Variants in WDR72 observed in about 807,000 individuals in gnomAD.
WDR72 encodes the protein WD repeat-containing protein 72.
WDR72 carries 120 observed loss-of-function variants against 124.2 expected under a neutral mutation model. The observed-to-expected ratio is 0.97, with a 90% CI of 0.83 to 1.12. WDR72 has a LOEUF of 1.12. Among genes scored for constraint, WDR72 ranks in the 50% most tolerant of loss-of-function variants. The pLI, the probability that WDR72 is intolerant of heterozygous loss-of-function variation, is 0.00. For synonymous variants in WDR72, 452 were observed against 441.7 expected (o/e 1.02, Z -0.29); for missense variants, 1,387 against 1,278.8 (o/e 1.08, Z -1.29).
intron 14 of WDR72, among the ~76,000 whole-genome samples, chr15:53,619,423 A>G (rs1372307299): frequency 2.0e-5 from 3 of 152,050 alleles, no homozygotes; most frequent in Non-Finnish European, 4.4e-5. Flanking sequence ...CAAAATTTTC[A>G]GCTTCAAAAG....
At chr15:53,666,407 T>C (rs1020772293) in intron 13 of WDR72, among the ~76,000 whole-genome samples, 1 of 152,018 alleles carries the variant, frequency 6.6e-6, no homozygotes, top group Admixed American at 6.6e-5. Context: ...AAGTTCAACT[T>C]AAAGTTAAAA....
chr15:53,714,612 T>C (rs922134200), intron 5 of WDR72, 102 bp from the exon 6 acceptor site: 6 of 887,556 alleles, frequency 6.8e-6, no homozygotes, highest in South Asian at 1.5e-5. Context: ...GCTGTGTAGA[T>C]AGAAAATTTT....
At chr15:53,704,187 AC>A (rs1323982488) in intron 11 of WDR72, among the ~76,000 whole-genome samples, 1 of 152,220 alleles carries the variant, frequency 6.6e-6, no homozygotes, top group Non-Finnish European at 1.5e-5. Flanking sequence ...GTAGCTAAAA[AC>A]TAGAAAACCT....
chr15:53,732,879 T>A (rs2018241357), intron 2 of WDR72, 118 bp downstream of exon 2: 1 of 1,235,550 alleles, frequency 8.1e-7, no homozygotes, highest in Non-Finnish European at 1.2e-6. Flanking sequence ...AATTTATTAC[T>A]TTAATAAACA....
intron 14 of WDR72, among the ~76,000 whole-genome samples, chr15:53,655,230 C>CAAAA (rs531072099): frequency 1.2e-3 from 68 of 54,600 alleles, no homozygotes; most frequent in African/African-American, 3.4e-3. Flanking sequence ...GATGCCATCT[C>CAAAA]AAAAAAAAAA....
intron 6 of WDR72, 101 bp from the exon 7 acceptor site, chr15:53,712,992 A>G: frequency 5.2e-6 from 7 of 1,346,454 alleles, no homozygotes; most frequent in Non-Finnish European, 7.3e-6. Flanking sequence ...TCACACCATT[A>G]TAAAACGAAA....
At chr15:53,523,495 CAT>C (rs1210795705) in intron 18 of WDR72, among the ~76,000 whole-genome samples, 173 bp from the exon 19 acceptor site, 2 of 151,994 alleles carry the variant, frequency 1.3e-5, no homozygotes, top group East Asian at 1.9e-4. Flanking sequence ...TATTGGCAGA[CAT>C]GTAATTAGTT....
chr15:53,597,477 A>G (rs185311157), intron 17 of WDR72, among the ~76,000 whole-genome samples: 84 of 152,256 alleles, frequency 5.5e-4, no homozygotes, highest in Admixed American at 3.3e-3. Context: ...TTTTTTTGCA[A>G]TGCAAGAGAT....
At chr15:53,638,580 C>CTTTTTTTTT (rs3081298) in intron 14 of WDR72, among the ~76,000 whole-genome samples, 1 of 125,856 alleles carries the variant, frequency 7.9e-6, no homozygotes, top group African/African-American at 3.0e-5. Context: ...TAATCACATT[C>CTTTTTTTTT]TTTTTTTTTT....
chr15:53,566,862 A>G (rs1894317674), intron 18 of WDR72, among the ~76,000 whole-genome samples: 1 of 152,006 alleles, frequency 6.6e-6, no homozygotes, highest in Non-Finnish European at 1.5e-5. Context: ...AAACACAGGA[A>G]AGAATAGGTT....
chr15:53,646,128 A>AT (rs1258801446), intron 14 of WDR72, among the ~76,000 whole-genome samples: 2 of 152,092 alleles, frequency 1.3e-5, no homozygotes, highest in Non-Finnish European at 2.9e-5. Flanking sequence ...CTGTATGTCT[A>AT]TTTTTTAATG....
chr15:53,722,557 A>C (rs1276983091), intron 3 of WDR72, among the ~76,000 whole-genome samples: 1 of 152,188 alleles, frequency 6.6e-6, no homozygotes, highest in Non-Finnish European at 1.5e-5. Context: ...TCTGATACAC[A>C]TGTTGAGATG....
chr15:53,523,384 A>AGT, intron 18 of WDR72, 62 bp from the exon 19 acceptor site: 1 of 1,485,580 alleles, frequency 6.7e-7, no homozygotes. Context: ...AGTAGTAGCA[A>AGT]ACACCATTAA....
At chr15:53,683,740 G>T (rs977398857) in intron 13 of WDR72, among the ~76,000 whole-genome samples, 84 of 152,056 alleles carry the variant, frequency 5.5e-4, no homozygotes, top group Non-Finnish European at 1.2e-4. Context: ...AGGAAGAAGA[G>T]ATCTAATCAA....
At chr15:53,702,078 T>C in intron 12 of WDR72, 56 bp downstream of exon 12, 1 of 1,329,170 alleles carries the variant, frequency 7.5e-7, no homozygotes, top group East Asian at 2.5e-5. Context: ...TTATTAAGTA[T>C]TCTATAATTT....
chr15:53,749,091 G>A (rs910444003), intron 1 of WDR72, among the ~76,000 whole-genome samples: 1 of 152,164 alleles, frequency 6.6e-6, no homozygotes, highest in Admixed American at 6.5e-5. Flanking sequence ...AGCACAATTA[G>A]AGCTCGAAGC....
intron 18 of WDR72, among the ~76,000 whole-genome samples, chr15:53,533,221 G>C (rs1489566673): frequency 6.6e-6 from 1 of 152,116 alleles, no homozygotes; most frequent in Non-Finnish European, 1.5e-5. Context: ...AAGTAATGGG[G>C]AGGACAGTTT....
intron 2 of WDR72, among the ~76,000 whole-genome samples, chr15:53,728,386 T>C (rs994500414): frequency 1.3e-5 from 2 of 152,196 alleles, no homozygotes; most frequent in African/African-American, 2.4e-5. Context: ...AGATGAAACA[T>C]GGATGGGGAC....
chr15:53,583,564 A>G (rs912106650), intron 18 of WDR72, among the ~76,000 whole-genome samples: 3 of 151,992 alleles, frequency 2.0e-5, no homozygotes, highest in African/African-American at 7.2e-5. Context: ...ACCACAGGGA[A>G]AAAAAAGTGT....
Sources: gnomAD v4.1 joint callset for allele counts (sites outside exome capture counted in the v4.1 genomes callset) on GRCh38, gnomAD v4.1.1 for gene constraint, MANE v1.5 for transcripts, NCBI Gene and HGNC (gene_info 2026-07-23, HGNC 2026-07-21) for gene names.